Variants in CASK observed in about 807,000 individuals in gnomAD.
CASK encodes the protein peripheral plasma membrane protein CASK.
CASK carries 4 observed loss-of-function variants against 82.9 expected under a neutral mutation model. That is an observed-to-expected ratio of 0.05 (90% CI 0.02 to 0.11). CASK has a LOEUF of 0.11. Among genes scored for constraint, CASK ranks in the 10% least tolerant of loss-of-function variants. The pLI is 1.00. For synonymous variants in CASK, 259 were observed against 253.5 expected (o/e 1.02, Z -0.20); for missense variants, 358 against 720.9 (o/e 0.50, Z 5.76).
At chrX:41,555,274 C>T (rs774404619) in intron 20 of CASK, among the ~76,000 whole-genome samples, 1 of 112,154 alleles carries the variant, frequency 8.9e-6, no homozygotes, top group Non-Finnish European at 1.9e-5. Flanking sequence ...TTTAGTTAGT[C>T]TTAGAATTCT....
At chrX:41,620,920 T>C (rs1379696205) in intron 11 of CASK, among the ~76,000 whole-genome samples, 1 of 112,153 alleles carries the variant, frequency 8.9e-6, no homozygotes, top group Non-Finnish European at 1.9e-5. Context: ...AGCGTATAGA[T>C]GTTATAATCT....
intron 12 of CASK, among the ~76,000 whole-genome samples, chrX:41,605,487 T>C (rs2065945915): frequency 9.2e-6 from 1 of 109,266 alleles, no homozygotes; most frequent in Admixed American, 9.8e-5. Flanking sequence ...GTGGTCCAGA[T>C]ACTTGGGTGG....
chrX:41,799,408 C>A (rs755503998), intron 2 of CASK, among the ~76,000 whole-genome samples: 2 of 110,710 alleles, frequency 1.8e-5, no homozygotes, highest in Non-Finnish European at 3.8e-5. Context: ...GGTGTGGTGG[C>A]GTGCGCCTGT....
At chrX:41,596,096 G>A (rs2065816264) in intron 12 of CASK, among the ~76,000 whole-genome samples, 1 of 108,220 alleles carries the variant, frequency 9.2e-6, no homozygotes, top group African/African-American at 3.4e-5. Flanking sequence ...TAAGGTAGCT[G>A]AGGCAGGAGG....
chrX:41,727,182 C>T, intron 5 of CASK: 1 of 1,206,122 alleles, frequency 8.3e-7, no homozygotes, highest in Non-Finnish European at 1.1e-6. Context: ...CAACGCACAT[C>T]TACCTGTCAC....
intron 5 of CASK, among the ~76,000 whole-genome samples, chrX:41,687,353 T>C (rs1276023772): frequency 9.0e-6 from 1 of 111,514 alleles, no homozygotes. Flanking sequence ...GCATATACAG[T>C]GGAATATAAT....
intron 2 of CASK, among the ~76,000 whole-genome samples, chrX:41,799,050 A>G (rs917833582): frequency 1.8e-5 from 2 of 112,210 alleles, no homozygotes; most frequent in Non-Finnish European, 3.8e-5. Flanking sequence ...CTAAAAATGG[A>G]AATACAAAGT....
chrX:41,766,738 T>C (rs2069122318), intron 3 of CASK, among the ~76,000 whole-genome samples: 1 of 111,142 alleles, frequency 9.0e-6, no homozygotes, highest in African/African-American at 3.3e-5. Context: ...AATACAGAAA[T>C]TAGCCGGGCA....
chrX:41,850,284 C>A (rs1456965968), intron 2 of CASK, among the ~76,000 whole-genome samples: 4 of 111,818 alleles, frequency 3.6e-5, no homozygotes, highest in African/African-American at 9.8e-5. Flanking sequence ...AACATAGGTC[C>A]CATAAGGCTA....
intron 11 of CASK, among the ~76,000 whole-genome samples, chrX:41,615,745 G>C (rs1290396821): frequency 9.1e-6 from 1 of 109,302 alleles, no homozygotes; most frequent in Non-Finnish European, 1.9e-5. Context: ...CGATTCTCGT[G>C]CCTCAGCCAC....
At chrX:41,563,051 A>G (rs1389717418) in intron 16 of CASK, among the ~76,000 whole-genome samples, 1 of 103,202 alleles carries the variant, frequency 9.7e-6, no homozygotes, top group Non-Finnish European at 2.0e-5. Flanking sequence ...AAAAAAAAAA[A>G]AAAAAAAAAA....
intron 8 of CASK, among the ~76,000 whole-genome samples, chrX:41,650,326 T>A (rs2066844628): frequency 8.9e-6 from 1 of 111,841 alleles, no homozygotes; most frequent in Admixed American, 9.5e-5. Flanking sequence ...GCTCGTTAGT[T>A]GATGCAGTTT....
rs1215302064 is a variant in CASK at position 41,517,336 on chromosome X, C to T, written c.*3084G>A. On this transcript the variant is annotated 3_prime_UTR_variant, in exon 27 of 27. Coordinates refer to ENST00000378163, the MANE Select transcript of CASK (RefSeq NM_001367721.1). Reference sequence around the variant, plus strand: ...TCTCTGAGCAAAGATTTTAAATCATCTCACCTGACAAGAGATACATTTAAT... The same window carrying T: ...TCTCTGAGCAAAGATTTTAAATCATTTCACCTGACAAGAGATACATTTAAT... 1 of 120,979 alleles carries T rather than the reference C, an allele frequency of 8.3e-6. No individual in the cohort carries two copies. Among genetic ancestry groups the T allele is most frequent in the Non-Finnish European group, 1.7e-5 (1 of 58,630 alleles). 10.0% of individuals were successfully genotyped at this position (120,979 alleles called of 1,213,427 possible).
intron 4 of CASK, among the ~76,000 whole-genome samples, chrX:41,740,726 G>A (rs906397340): frequency 8.9e-6 from 1 of 112,213 alleles, no homozygotes; most frequent in Non-Finnish European, 1.9e-5. Context: ...CTAATCACAG[G>A]CTCCTTACAA....
At chrX:41,604,766 A>G (rs1486717664) in intron 12 of CASK, among the ~76,000 whole-genome samples, 1 of 112,429 alleles carries the variant, frequency 8.9e-6, no homozygotes, top group Non-Finnish European at 1.9e-5. Context: ...TGGACCAAGC[A>G]GTTCCTCATG....
At chrX:41,679,189 C>T (rs2067313529) in intron 5 of CASK, among the ~76,000 whole-genome samples, 1 of 111,822 alleles carries the variant, frequency 8.9e-6, no homozygotes, top group Non-Finnish European at 1.9e-5. Flanking sequence ...TTTTGATGAA[C>T]TGCATACATT....
chrX:41,684,440 C>G (rs2067409475), intron 5 of CASK, among the ~76,000 whole-genome samples: 1 of 111,801 alleles, frequency 8.9e-6, no homozygotes, highest in Non-Finnish European at 1.9e-5. Flanking sequence ...CTATATTCTT[C>G]AAATACAGTT....
chrX:41,630,784 A>C (rs1281405155), intron 9 of CASK, among the ~76,000 whole-genome samples: 1 of 111,864 alleles, frequency 8.9e-6, no homozygotes, highest in Non-Finnish European at 1.9e-5. Flanking sequence ...CTGAACTCAA[A>C]AGCCCTAAAA....
chrX:41,843,967 T>C (rs1392355504), intron 2 of CASK, among the ~76,000 whole-genome samples: 2 of 111,980 alleles, frequency 1.8e-5, no homozygotes, highest in African/African-American at 3.2e-5. Context: ...CCAGCTATTA[T>C]GAATAATGCT....
Sources: allele counts gnomAD v4.1 joint callset (sites outside exome capture counted in the v4.1 genomes callset), GRCh38; gene constraint gnomAD v4.1.1; transcripts MANE v1.5; gene names NCBI Gene and HGNC (gene_info 2026-07-23, HGNC 2026-07-21).